Variants in SPTB observed in about 807,000 individuals in gnomAD.
SPTB encodes spectrin beta chain, erythrocytic.
A neutral mutation model predicts 256.2 loss-of-function variants in SPTB; 45 were observed. The observed-to-expected ratio is 0.18, with a 90% confidence interval of 0.14 to 0.23. SPTB has a LOEUF of 0.23. Among genes scored for constraint, SPTB ranks in the 10% least tolerant of loss-of-function variants. SPTB has a pLI of 1.00. For synonymous variants in SPTB, 1,231 were observed against 1,243.1 expected, an observed-to-expected ratio of 0.99 and a Z score of 0.21; for missense variants, 2,715 against 3,040.4, an observed-to-expected ratio of 0.89 and a Z score of 2.52.
chr14:64,767,393 G>T, intron 30 of SPTB, 41 bp from the exon 31 acceptor site: 1 of 1,613,264 alleles, frequency 6.2e-7, no homozygotes, highest in Non-Finnish European at 8.5e-7. Context: ...CAGCCACAGA[G>T]GCGAGTTGTG....
At chr14:64,857,071 C>T (rs983112521) in intron 1 of SPTB, among the ~76,000 whole-genome samples, 3 of 152,190 alleles carry the variant, frequency 2.0e-5, no homozygotes, top group African/African-American at 2.4e-5. Context: ...AACCAAGTAA[C>T]CCCAGAATGC....
intron 1 of SPTB, among the ~76,000 whole-genome samples, chr14:64,851,987 C>G (rs1038366395): frequency 1.3e-5 from 2 of 152,096 alleles, no homozygotes; most frequent in African/African-American, 4.8e-5. Context: ...ACCTATGTAA[C>G]AAACCTACAC....
intron 1 of SPTB, among the ~76,000 whole-genome samples, chr14:64,860,203 T>G (rs563031527): frequency 6.6e-6 from 1 of 152,170 alleles, no homozygotes; most frequent in African/African-American, 2.4e-5. Flanking sequence ...GCAAAGAAAG[T>G]ATATTCACAC....
At chr14:64,839,798 TG>T (rs2083577269) in intron 1 of SPTB, among the ~76,000 whole-genome samples, 1 of 152,136 alleles carries the variant, frequency 6.6e-6, no homozygotes, top group African/African-American at 2.4e-5. Flanking sequence ...GCCTAACACG[TG>T]GTACAAATAA....
At chr14:64,773,569 C>T (rs925369288) in intron 24 of SPTB, 145 bp from the exon 25 acceptor site, 49 of 878,946 alleles carry the variant, frequency 5.6e-5, no homozygotes, top group African/African-American at 3.8e-4. Context: ...GGGGCTTTGC[C>T]GGGGAAGAGC....
chr14:64,758,705 C>T lies in SPTB; in HGVS notation c.6346-4912G>A, dbSNP rs2082051148. On this transcript the variant is annotated intron_variant, in intron 32 of 35. Coordinates refer to ENST00000644917, the MANE Select transcript of SPTB (RefSeq NM_001355436.2). The surrounding 1 kb of genome is among the most constrained non-coding windows in gnomAD (Gnocchi z 4.6). ...AAATAGTTACTCTTGGGGTTCCCAT[C>T]TGCCCAGGGAAAGTGCACAAACAGC... 6.6e-6 allele frequency among the ~76,000 whole-genome samples: 1 copy of T among 152,252 alleles called. No individual in the cohort carries two copies. The highest frequency in any genetic ancestry group is 1.5e-5 in the Non-Finnish European group (1 of 68,042).
At chr14:64,843,859 T>A (rs2083646503) in intron 1 of SPTB, among the ~76,000 whole-genome samples, 1 of 152,178 alleles carries the variant, frequency 6.6e-6, no homozygotes, top group Non-Finnish European at 1.5e-5. Flanking sequence ...ATGCAGAATT[T>A]ACCCATTCTC....
chr14:64,838,902 G>C (rs747879703), intron 1 of SPTB, among the ~76,000 whole-genome samples: 1 of 152,072 alleles, frequency 6.6e-6, no homozygotes, highest in Non-Finnish European at 1.5e-5. Flanking sequence ...GGAGGCCGAC[G>C]CAGGTGGATC....
At chr14:64,865,728 G>A (rs1035816189) in intron 1 of SPTB, among the ~76,000 whole-genome samples, 2 of 152,172 alleles carry the variant, frequency 1.3e-5, no homozygotes, top group Non-Finnish European at 2.9e-5. Flanking sequence ...GCACAGCTTT[G>A]AAACACAAAT....
chr14:64,869,411 G>A (rs904336592), intron 1 of SPTB, among the ~76,000 whole-genome samples: 19 of 151,906 alleles, frequency 1.3e-4, no homozygotes, highest in Admixed American at 1.2e-3. Context: ...TGAGCTAACT[G>A]GCCACATGAT....
chr14:64,771,263 T>A, intron 26 of SPTB, 134 bp from the exon 27 acceptor site: 2 of 1,367,928 alleles, frequency 1.5e-6, no homozygotes, highest in Admixed American at 3.4e-5. Flanking sequence ...ATCTTCAGCC[T>A]CCACCCAGTG....
At position 64,807,861 on chromosome 14, in the gene SPTB, C is replaced by T. The variant is rs1181649693; in HGVS notation, c.149-2771G>A. ...GGGGACCCAGGCCATCCTACTGGGA[C>T]CCACCATGGGAAGGAGGCCTCAGCA... On this transcript the variant is annotated intron_variant, in intron 2 of 35. Coordinates refer to ENST00000644917, the MANE Select transcript of SPTB (RefSeq NM_001355436.2). The surrounding 1 kb of genome is among the most constrained non-coding windows in gnomAD (Gnocchi z 4.7). 6.6e-6 allele frequency among the ~76,000 whole-genome samples: 1 copy of T among 152,212 alleles called. No individual in the cohort carries two copies. The highest frequency in any genetic ancestry group is 1.5e-5 in the Non-Finnish European group (1 of 68,036).
chr14:64,848,042 A>C (rs976312900), intron 1 of SPTB, among the ~76,000 whole-genome samples: 2 of 152,150 alleles, frequency 1.3e-5, no homozygotes, highest in Non-Finnish European at 2.9e-5. Flanking sequence ...AGGGGAGTCC[A>C]TGGCCCTCTT....
At chr14:64,871,879 G>C (rs377422209) in intron 1 of SPTB, among the ~76,000 whole-genome samples, 13 of 152,152 alleles carry the variant, frequency 8.5e-5, no homozygotes, top group African/African-American at 3.1e-4. Context: ...AAAAATATTT[G>C]GGCTTTAACC....
At position 64,803,588 on chromosome 14, in the gene SPTB, CTACCCCCCAGG is replaced by C; in HGVS notation, c.474+8_474+18del. On this transcript the variant is annotated splice_region_variant and intron_variant, in intron 4 of 35. Coordinates refer to ENST00000644917, the MANE Select transcript of SPTB (RefSeq NM_001355436.2). ...GCCTTGAGGGCTCCCTCGACTTCCT[CTACCCCCCAGG>C]AACCCACCTGGAAGCGGAGGATGAT... The C allele has an allele frequency of 6.2e-7, 1 of 1,613,998 alleles. No homozygotes were observed. Among genetic ancestry groups the C allele is most frequent in the Non-Finnish European group, 8.5e-7 (1 of 1,180,040 alleles).
At chr14:64,865,588 C>T (rs943093594) in intron 1 of SPTB, among the ~76,000 whole-genome samples, 1 of 152,152 alleles carries the variant, frequency 6.6e-6, no homozygotes, top group African/African-American at 2.4e-5. Context: ...GGAGTTGCTA[C>T]ATTGAGGACA....
intron 33 of SPTB, among the ~76,000 whole-genome samples, chr14:64,751,073 GTATATAACATT>G: frequency 7.1e-6 from 1 of 140,322 alleles, no homozygotes; most frequent in East Asian, 2.0e-4. Flanking sequence ...AACATTTATA[GTATATAACATT>G]TATATATTAT....
At position 64,749,873 on chromosome 14, in the gene SPTB, G is replaced by C; in HGVS notation, c.6776+108C>G. The stretch of plus-strand genomic sequence containing the variant: ...AGCCTCTTTGATTTGAAAAACCCCT[G>C]AGGAGCAGCTCAGGCCTGGCACTGG... On this transcript the variant is annotated intron_variant, in intron 34 of 35. Coordinates refer to ENST00000644917, the MANE Select transcript of SPTB (RefSeq NM_001355436.2). The surrounding 1 kb of genome is among the most constrained non-coding windows in gnomAD (Gnocchi z 4.7). 2.0e-6 allele frequency: 3 copies of C among 1,537,778 alleles called. No individual in the cohort carries two copies. The highest frequency in any genetic ancestry group is 2.7e-6 in the Non-Finnish European group (3 of 1,113,362).
chr14:64,813,226 G>A (rs371350), intron 2 of SPTB, among the ~76,000 whole-genome samples: 17,931 of 152,152 alleles, frequency 0.12, 1,865 homozygotes, highest in African/African-American at 0.27. Context: ...AATAGGATAT[G>A]AAGTTCATAA....
Sources: gnomAD v4.1 joint callset for allele counts (sites outside exome capture counted in the v4.1 genomes callset) on GRCh38, gnomAD v4.1.1 for gene constraint, Gnocchi (gnomAD v3.1) non-coding constraint, MANE v1.5 for transcripts, NCBI Gene and HGNC (gene_info 2026-07-23, HGNC 2026-07-21) for gene names.